Variants in WDR59 observed in about 807,000 individuals in gnomAD.
The protein encoded by WDR59 is WD repeat domain 59.
Under a neutral mutation model 131.2 loss-of-function variants are expected in WDR59, and 100 were observed. The observed-to-expected ratio is 0.76, with a 90% CI of 0.65 to 0.90. WDR59 has a LOEUF of 0.90. Ranked by LOEUF, WDR59 falls within the 40% of genes least tolerant of loss-of-function variation. The pLI is 0.00. For missense variants in WDR59, 1,203 were observed against 1,262.2 expected, an observed-to-expected ratio of 0.95 and a Z score of 0.71; for synonymous variants, 601 against 466.2, an observed-to-expected ratio of 1.29 and a Z score of -3.72.
At chr16:74,901,938 C>T (rs1247069031) in intron 18 of WDR59, among the ~76,000 whole-genome samples, 2 of 152,118 alleles carry the variant, frequency 1.3e-5, no homozygotes, top group African/African-American at 4.8e-5. Flanking sequence ...ATGTCAAATT[C>T]ATCACAAAAT....
intron 11 of WDR59, among the ~76,000 whole-genome samples, chr16:74,916,686 C>T (rs1966404204): frequency 6.6e-6 from 1 of 151,964 alleles, no homozygotes; most frequent in Admixed American, 6.6e-5. Flanking sequence ...GGGTGAAATG[C>T]CGTCTCTACT....
intron 13 of WDR59, among the ~76,000 whole-genome samples, chr16:74,913,398 T>C (rs7190834): frequency 0.97 from 147,970 of 152,114 alleles, 72,095 homozygotes; most frequent in Non-Finnish European, 1. Flanking sequence ...TCCCAAATAC[T>C]GGGACTACAG....
In WDR59 at chr16:74,967,964, G is replaced by A. The variant is rs149091455; in HGVS notation, c.55-2142C>T. 3.8e-3 allele frequency among the ~76,000 whole-genome samples: 579 copies of A among 152,184 alleles called. 1 individual carries two copies. The highest frequency in any genetic ancestry group is 0.013 in the African/African-American group (555 of 41,516). On this transcript the variant is annotated intron_variant, in intron 1 of 25. Coordinates refer to ENST00000262144, the MANE Select transcript of WDR59 (RefSeq NM_030581.4). ...CAGACATATAATGGAATATTATTCA[G>A]CCTTAAAAGGGAAGGAAATTCTGAT...
intron 17 of WDR59, chr16:74,904,359 C>A: frequency 2.5e-6 from 1 of 400,318 alleles, no homozygotes; most frequent in Non-Finnish European, 4.5e-6. Context: ...CAAGGTCAAC[C>A]TACAAATATC....
chr16:74,908,934 C>G lies in WDR59; in HGVS notation c.1686G>C (p.Ala562=). The G allele has an allele frequency of 6.2e-7, 1 of 1,614,014 alleles. No homozygotes were observed. Among genetic ancestry groups the G allele is most frequent in the Non-Finnish European group, 8.5e-7 (1 of 1,179,978 alleles). The change falls in exon 17 of 26, where the codon GCG becomes GCC. Residue 562 remains alanine, a synonymous_variant. Coordinates refer to ENST00000262144, the MANE Select transcript of WDR59 (RefSeq NM_030581.4). ...YFTRPMTMHR[A]VSPTEPTPRS... is the part of the protein sequence containing the mutation. ...TCGGAGTAGGCTCTGTGGGAGACAC[C>G]GCCCGATGCATTGTCATGGGCCTTG...
intron 18 of WDR59, among the ~76,000 whole-genome samples, chr16:74,896,141 C>T (rs372757939): frequency 4.6e-5 from 7 of 152,072 alleles, no homozygotes; most frequent in African/African-American, 1.7e-4. Context: ...GAATATGATC[C>T]ATCTAATTTG....
At chr16:74,941,875 C>A (rs560482815) in intron 7 of WDR59, among the ~76,000 whole-genome samples, 1 of 152,206 alleles carries the variant, frequency 6.6e-6, no homozygotes, top group South Asian at 2.1e-4. Context: ...CTCTTCCAAA[C>A]GTATGGAGGG....
At chr16:74,970,504 A>AAAAAAAAAAAAAAAAAAAAAAAC in intron 1 of WDR59, among the ~76,000 whole-genome samples, 1 of 31,844 alleles carries the variant, frequency 3.1e-5, no homozygotes, top group Non-Finnish European at 4.9e-5. Context: ...CCAAAAAAAA[A>AAAAAAAAAAAAAAAAAAAAAAAC]AAAAAAAAAA....
chr16:74,899,880 T>C (rs1887219868), intron 18 of WDR59: 1 of 692,426 alleles, frequency 1.4e-6, no homozygotes, highest in African/African-American at 1.9e-5. Flanking sequence ...CATAATACAC[T>C]GTACAGTTGG....
chr16:74,904,286 A>C, intron 17 of WDR59, 186 bp from the exon 18 acceptor site: 2 of 627,386 alleles, frequency 3.2e-6, no homozygotes, highest in Non-Finnish European at 5.3e-6. Context: ...GAATGCTTCT[A>C]TGATTACAGA....
chr16:74,937,263 C>A (rs996743289), intron 8 of WDR59, among the ~76,000 whole-genome samples: 2 of 152,306 alleles, frequency 1.3e-5, no homozygotes, highest in Admixed American at 1.3e-4. Flanking sequence ...CACATAAAAT[C>A]TTGAGCATTT....
At chr16:74,955,266 T>C (rs1053865572) in intron 3 of WDR59, among the ~76,000 whole-genome samples, 3 of 152,152 alleles carry the variant, frequency 2.0e-5, no homozygotes, top group Admixed American at 2.0e-4. Flanking sequence ...ACATTTTTGA[T>C]TGTCATAACA....
rs1282940459 is a variant in WDR59 at position 74,874,311 on chromosome 16, A to G, written c.2823T>C (p.Cys941=). Residue 941 remains cysteine (C), a synonymous_variant, in exon 26 of 26, where the codon TGT becomes TGC. Coordinates refer to ENST00000262144, the MANE Select transcript of WDR59 (RefSeq NM_030581.4). ...VRGSSNFCLT[C]GHGGHTSHMM... Reference sequence around the variant, plus strand: ...TGTGGCTGGTGTGGCCACCGTGCCCACAGGTCAGGCAGAAATTGGACGATC... The same window carrying G: ...TGTGGCTGGTGTGGCCACCGTGCCCGCAGGTCAGGCAGAAATTGGACGATC... 6.2e-7 allele frequency: 1 copy of G among 1,614,152 alleles called. No homozygotes were observed. Among genetic ancestry groups the G allele is most frequent in the Non-Finnish European group, 8.5e-7 (1 of 1,180,032 alleles).
At chr16:74,887,648 A>G in intron 23 of WDR59, 35 bp downstream of exon 23, 2 of 1,607,984 alleles carry the variant, frequency 1.2e-6, no homozygotes, top group Non-Finnish European at 1.7e-6. Flanking sequence ...GGAGAACTAA[A>G]AATCCAGCGT....
chr16:74,886,587 T>C lies in WDR59; in HGVS notation c.2420-191A>G, dbSNP rs74026609. On this transcript the variant is annotated intron_variant, in intron 23 of 25. Transcript: ENST00000262144. ...GCCTTTTTGCGCAGGTATTTATTAC[T>C]AAGAGAACTTGATCACTAAGTACAC... is the stretch of plus-strand genomic sequence containing the variant. 1,562 of 629,056 alleles carry C rather than the reference T, an allele frequency of 2.5e-3. 15 individuals carry two copies. The African/African-American group carries it at 0.026, about 11-fold the overall frequency. 39.0% of individuals were successfully genotyped at this position (629,056 alleles called of 1,614,324 possible).
At chr16:74,953,499 C>T (rs962441118) in intron 3 of WDR59, among the ~76,000 whole-genome samples, 1 of 150,122 alleles carries the variant, frequency 6.7e-6, no homozygotes, top group African/African-American at 2.4e-5. Context: ...AGTTGCCTTC[C>T]AACCAAGAAC....
chr16:74,947,686 G>C (rs1299827642), intron 6 of WDR59, among the ~76,000 whole-genome samples: 3 of 152,122 alleles, frequency 2.0e-5, no homozygotes, highest in African/African-American at 7.2e-5. Context: ...AATATTTTTA[G>C]GTATTTTTAA....
chr16:74,893,838 T>G, intron 18 of WDR59, 26 bp from the exon 19 acceptor site: 1 of 1,610,442 alleles, frequency 6.2e-7, no homozygotes, highest in Non-Finnish European at 8.5e-7. Flanking sequence ...AGGATGTAAC[T>G]AATGGGGACT....
intron 8 of WDR59, among the ~76,000 whole-genome samples, chr16:74,926,143 T>C (rs925673751): frequency 6.8e-6 from 1 of 147,918 alleles, no homozygotes; most frequent in Non-Finnish European, 1.5e-5. Flanking sequence ...CACTGCAACC[T>C]CCGCCTCCCA....
Sources: allele counts gnomAD v4.1 joint callset (sites outside exome capture counted in the v4.1 genomes callset), GRCh38; gene constraint gnomAD v4.1.1; transcripts MANE v1.5; gene names NCBI Gene and HGNC (gene_info 2026-07-23, HGNC 2026-07-21).